The following GFPT1 variants were observed in gnomAD, a reference collection of about 807,000 sequenced individuals.
GFPT1 encodes glutamine--fructose-6-phosphate transaminase 1.
A neutral mutation model predicts 92.0 loss-of-function variants in GFPT1; 40 were observed. That is an observed-to-expected ratio of 0.43 (90% CI 0.34 to 0.57). The LOEUF (loss-of-function observed/expected upper bound fraction) is 0.57, where lower values mean the gene tolerates loss of function less well. GFPT1 is among the 20% of genes least tolerant of loss of function. The pLI is 0.02. For missense variants in GFPT1, 448 were observed against 869.1 expected, an observed-to-expected ratio of 0.52 and a Z score of 6.09; for synonymous variants, 269 against 280.6, an observed-to-expected ratio of 0.96 and a Z score of 0.41.
At chr2:69,372,217 A>G (rs977940330) in intron 2 of GFPT1, among the ~76,000 whole-genome samples, 1 of 149,638 alleles carries the variant, frequency 6.7e-6, no homozygotes, top group African/African-American at 2.5e-5. Context: ...AAAAAAAAAA[A>G]AGAAGATTGA....
At chr2:69,335,857 C>CA (rs1670780846) in intron 15 of GFPT1, among the ~76,000 whole-genome samples, 1 of 151,460 alleles carries the variant, frequency 6.6e-6, no homozygotes, top group Non-Finnish European at 1.5e-5. Context: ...TCCGTCTCTA[C>CA]AAAAAAATAC....
chr2:69,345,379 A>G (rs1339924018), intron 12 of GFPT1, among the ~76,000 whole-genome samples: 1 of 152,232 alleles, frequency 6.6e-6, no homozygotes. Context: ...TTACTTATTT[A>G]TACACTCAGA....
intron 15 of GFPT1, among the ~76,000 whole-genome samples, chr2:69,330,940 G>A (rs944913012): frequency 6.6e-6 from 1 of 152,056 alleles, no homozygotes; most frequent in East Asian, 1.9e-4. Flanking sequence ...CAAATGTAAC[G>A]CATTCAGTTC....
intron 12 of GFPT1, among the ~76,000 whole-genome samples, chr2:69,345,552 C>T (rs1671062818): frequency 6.6e-6 from 1 of 152,176 alleles, no homozygotes; most frequent in African/African-American, 2.4e-5. Context: ...AATTCAGTGG[C>T]ATTAAGCACA....
intron 3 of GFPT1, among the ~76,000 whole-genome samples, chr2:69,369,757 C>T (rs575216192): frequency 6.6e-5 from 10 of 152,212 alleles, no homozygotes; most frequent in Non-Finnish European, 8.8e-5. Flanking sequence ...AGAGCTTACA[C>T]TGAAGGTAAT....
At chr2:69,347,156 C>T (rs1487254941) in intron 11 of GFPT1, among the ~76,000 whole-genome samples, 1 of 151,958 alleles carries the variant, frequency 6.6e-6, no homozygotes, top group Non-Finnish European at 1.5e-5. Context: ...GGCAATCTGC[C>T]TGCTTCAGCC....
intron 15 of GFPT1, among the ~76,000 whole-genome samples, chr2:69,332,123 G>A (rs1025265765): frequency 2.6e-5 from 4 of 151,858 alleles, no homozygotes; most frequent in Non-Finnish European, 5.9e-5. Flanking sequence ...CAAGTTGAAG[G>A]AACACTAATT....
chr2:69,347,476 GCTT>G (rs1199802500), intron 11 of GFPT1, among the ~76,000 whole-genome samples: 12 of 127,456 alleles, frequency 9.4e-5, no homozygotes, highest in East Asian at 2.1e-4. Flanking sequence ...ACTGTTTTAA[GCTT>G]CTTTTTTTTT....
chr2:69,329,777 A>T lies in GFPT1; in HGVS notation c.1504T>A (p.Ser502Thr). The T allele has an allele frequency of 6.2e-7, 1 of 1,606,156 alleles. No homozygotes were observed. The highest frequency in any genetic ancestry group is 8.5e-7 in the Non-Finnish European group (1 of 1,172,598). ...STKAYTSQFV[S>T]LVMFALMMCD... ...ATCATAAGGGCAAACATCACAAGGG[A>T]TACAAACTGGCTGGTATAAGCCTGA... is the stretch of plus-strand genomic sequence containing the variant. The change falls in exon 16 of 20, where the codon TCC (serine) becomes ACC (threonine). Residue 502 changes from serine (S) to threonine (T), a missense_variant. Ser to Thr is a moderately conservative substitution (Grantham distance 58, BLOSUM62 1). Around this residue, in one of 7 missense-constraint regions of GFPT1, gnomAD observed 73 missense variants for 103.5 expected, o/e 0.71. Transcript: ENST00000357308.
Position 69,321,470 on chromosome 2 carries a change from A to G in GFPT1, c.*4719T>C, listed in dbSNP as rs1415723258. The G allele has an allele frequency of 2.0e-5, 3 of 152,260 alleles. No homozygotes were observed. Among genetic ancestry groups the G allele is most frequent in the Non-Finnish European group, 4.4e-5 (3 of 68,044 alleles). The allele number at this position is 152,260 out of a possible 1,614,324, so 9.4% of individuals were successfully genotyped here. A position where few individuals can be genotyped will look rare whatever the true frequency, so the allele number is the denominator to read the frequency against. On this transcript the variant is annotated 3_prime_UTR_variant, in exon 20 of 20. Coordinates refer to ENST00000357308, the MANE Select transcript of GFPT1 (RefSeq NM_001244710.2). ...GTACAATACAATTTCTAACATAACT[A>G]CAAATGTGTATACACTTCAAATATT...
chr2:69,355,318 T>C (rs921335350), intron 7 of GFPT1, among the ~76,000 whole-genome samples: 2 of 152,136 alleles, frequency 1.3e-5, no homozygotes, highest in African/African-American at 4.8e-5. Context: ...GGTCAAGCAA[T>C]CCACCCATCT....
At chr2:69,352,546 G>A (rs1444473027) in intron 9 of GFPT1, among the ~76,000 whole-genome samples, 6 of 143,364 alleles carry the variant, frequency 4.2e-5, no homozygotes, top group African/African-American at 1.6e-4. Flanking sequence ...CCGGGAGGCC[G>A]AGGTTGCAGT....
chr2:69,383,601 C>CATTT (rs199893451), intron 1 of GFPT1, among the ~76,000 whole-genome samples: 1,955 of 152,038 alleles, frequency 0.013, 47 homozygotes, highest in African/African-American at 0.044. Context: ...GCAAACATTC[C>CATTT]ATTTATTTAT....
chr2:69,356,452 C>A (rs774356549), intron 7 of GFPT1, 44 bp downstream of exon 7: 2 of 1,355,196 alleles, frequency 1.5e-6, no homozygotes, highest in Admixed American at 1.7e-5. Context: ...ACATGTAACT[C>A]AAATATGTTG....
At chr2:69,334,367 TAA>T (rs1219759092) in intron 15 of GFPT1, among the ~76,000 whole-genome samples, 3 of 152,098 alleles carry the variant, frequency 2.0e-5, no homozygotes, top group Non-Finnish European at 2.9e-5. Flanking sequence ...TCAATTTTTT[TAA>T]GAGTTATTTT....
At position 69,371,130 on chromosome 2, in the gene GFPT1, G is replaced by A. The variant is rs149227252; in HGVS notation, c.116-1022C>T. On this transcript the variant is annotated intron_variant, in intron 2 of 19. Transcript: ENST00000357308. ...CTTGCTCTGTCGCCCAGGATGGAGG[G>A]CAGTGGCGCAATCTCAGCTCCCTGC... 5.7e-3 allele frequency among the ~76,000 whole-genome samples: 847 copies of A among 148,154 alleles called. 10 individuals carry two copies. Among genetic ancestry groups the A allele is most frequent in the African/African-American group, 0.019 (759 of 40,224 alleles).
chr2:69,357,263 AG>A (rs35366403), intron 6 of GFPT1, among the ~76,000 whole-genome samples: 68,838 of 152,002 alleles, frequency 0.45, 16,065 homozygotes, highest in African/African-American at 0.57. Flanking sequence ...TCTCTGCCCT[AG>A]TAATTGTACA....
At chr2:69,355,319 C>T (rs1671311211) in intron 7 of GFPT1, among the ~76,000 whole-genome samples, 1 of 152,116 alleles carries the variant, frequency 6.6e-6, no homozygotes, top group Admixed American at 6.6e-5. Context: ...GTCAAGCAAT[C>T]CACCCATCTC....
chr2:69,345,375 A>G (rs1447313342), intron 12 of GFPT1, among the ~76,000 whole-genome samples: 1 of 152,172 alleles, frequency 6.6e-6, no homozygotes, highest in East Asian at 1.9e-4. Context: ...ACTTTTACTT[A>G]TTTATACACT....
Sources: gnomAD v4.1 joint callset for allele counts (sites outside exome capture counted in the v4.1 genomes callset) on GRCh38, gnomAD v4.1.1 for gene constraint, gnomAD v4.1.1 regional missense constraint, MANE v1.5 for transcripts, NCBI Gene and HGNC (gene_info 2026-07-23, HGNC 2026-07-21) for gene names.